TFCP2L1: variants seen among roughly 807,000 people sequenced by gnomAD.
TFCP2L1 encodes the protein transcription factor CP2-like protein 1.
Under a neutral mutation model 72.2 loss-of-function variants are expected in TFCP2L1, and 12 were observed. That is an observed-to-expected ratio of 0.17 (90% CI 0.11 to 0.27). The LOEUF is 0.27. TFCP2L1 is among the 10% of genes least tolerant of loss of function. The pLI is 1.00. For missense variants in TFCP2L1, 488 were observed against 624.6 expected (o/e 0.78, Z 2.33); for synonymous variants, 260 against 251.0 (o/e 1.04, Z -0.34).
chr2:121,281,813 T>C (rs1687268822), intron 1 of TFCP2L1, among the ~76,000 whole-genome samples: 2 of 151,944 alleles, frequency 1.3e-5, no homozygotes, highest in South Asian at 4.1e-4. Context: ...GAGACATTCC[T>C]CCATCCCTTC....
intron 1 of TFCP2L1, among the ~76,000 whole-genome samples, chr2:121,283,008 G>T (rs1465132422): frequency 6.6e-6 from 1 of 152,140 alleles, no homozygotes; most frequent in Non-Finnish European, 1.5e-5. Context: ...TCAGAGCAGG[G>T]CACACTCCCA....
At position 121,231,888 on chromosome 2, in the gene TFCP2L1, G is replaced by C; in HGVS notation, c.1279C>G (p.Gln427Glu). ...KIANLYSISP[Q>E]HIHRVYRQGP... is the part of the protein sequence containing the mutation. ...TGCCGGTAGACTCGGTGGATGTGCTGGGGGGAGATGCTGTACAGGTTGGCG... is the reference window on the plus strand; with the variant it reads ...TGCCGGTAGACTCGGTGGATGTGCTCGGGGGAGATGCTGTACAGGTTGGCG... Residue 427 changes from glutamine (Q) to glutamate (E), a missense_variant, in exon 13 of 15, where the codon CAG becomes GAG. By Grantham distance (29) the Gln-to-Glu change is conservative. Transcript: ENST00000263707. The C allele has an allele frequency of 6.2e-7, 1 of 1,613,230 alleles. No homozygotes were observed. Among genetic ancestry groups the C allele is most frequent in the Non-Finnish European group, 8.5e-7 (1 of 1,179,562 alleles).
rs1011367841 is a variant in TFCP2L1, at chr2:121,220,527, A to G, written c.*3814T>C. The G allele has an allele frequency of 2.6e-5, 4 of 152,248 alleles. No individual in the cohort carries two copies. The highest frequency in any genetic ancestry group is 4.8e-5 in the African/African-American group (2 of 41,460). The allele number at this position is 152,248 out of a possible 1,614,324, so 9.4% of individuals were successfully genotyped here. A position where few individuals can be genotyped will look rare whatever the true frequency, so the allele number is the denominator to read the frequency against. ...CTCAGCTTTGGGCTTCCAGTTCAAG[A>G]TGGTGGCCTGAGCACATGTGTCTGT... On this transcript the variant is annotated 3_prime_UTR_variant, in exon 15 of 15. Transcript: ENST00000263707.
At chr2:121,264,826 C>T (rs944571821) in intron 2 of TFCP2L1, among the ~76,000 whole-genome samples, 4 of 152,170 alleles carry the variant, frequency 2.6e-5, no homozygotes, top group Admixed American at 6.5e-5. Context: ...AGACACTAAA[C>T]AATAAATAAC....
At chr2:121,283,425 C>G (rs1687304033) in intron 1 of TFCP2L1, among the ~76,000 whole-genome samples, 1 of 152,210 alleles carries the variant, frequency 6.6e-6, no homozygotes, top group Non-Finnish European at 1.5e-5. Flanking sequence ...AAACTCCCAG[C>G]TTCCAAGAAG....
Position 121,249,505 on chromosome 2 carries a change from C to T in TFCP2L1, c.291+66G>A, listed in dbSNP as rs371330278. On this transcript the variant is annotated intron_variant, in intron 3 of 14. Transcript: ENST00000263707. ...GCTACCCGTGCCCAACCCCAGCAAG[C>T]CCAGGTGCCCAGACCCTAATCAAGC... The T allele has an allele frequency of 1.3e-4, 197 of 1,526,578 alleles. No homozygotes were observed. The East Asian group carries it at 4.3e-3, about 33-fold the overall frequency. The allele number at this position is 1,526,578 out of a possible 1,614,324, so 94.6% of individuals were successfully genotyped here. A position where few individuals can be genotyped will look rare whatever the true frequency, so the allele number is the denominator to read the frequency against.
At chr2:121,228,518 G>A (rs1047804551) in intron 13 of TFCP2L1, among the ~76,000 whole-genome samples, 12 of 150,954 alleles carry the variant, frequency 7.9e-5, no homozygotes, top group Non-Finnish European at 1.5e-4. Context: ...CCAGCACCTT[G>A]AGAGGCCAAG....
chr2:121,281,934 T>TTC (rs1553436595), intron 1 of TFCP2L1, among the ~76,000 whole-genome samples: 5 of 50,048 alleles, frequency 1.0e-4, no homozygotes, highest in Admixed American at 9.0e-4. Context: ...TTGTTTTTTT[T>TTC]GGGCGGGGGC....
At chr2:121,282,385 G>C (rs1687282270) in intron 1 of TFCP2L1, among the ~76,000 whole-genome samples, 1 of 150,222 alleles carries the variant, frequency 6.7e-6, no homozygotes. Flanking sequence ...ACTTGTTTCT[G>C]GACGTATTTT....
chr2:121,275,345 G>A (rs1290281188), intron 2 of TFCP2L1, among the ~76,000 whole-genome samples: 1 of 136,662 alleles, frequency 7.3e-6, no homozygotes, highest in Non-Finnish European at 1.5e-5. Context: ...CTGGCAGTGA[G>A]CCGAGATCGC....
At chr2:121,248,088 T>A (rs1558735528) in intron 5 of TFCP2L1, 76 bp downstream of exon 5, 15 of 1,267,272 alleles carry the variant, frequency 1.2e-5, no homozygotes, top group Admixed American at 6.0e-5. Flanking sequence ...CCCAGATGGG[T>A]TAGTTTTGAG....
At position 121,281,954 on chromosome 2, in the gene TFCP2L1, G is replaced by A. The variant is rs970607909; in HGVS notation, c.63-683C>T. Among the ~76,000 whole-genome samples, 17 of 150,556 alleles carry A rather than the reference G, an allele frequency of 1.1e-4. No individual in the cohort carries two copies. In the South Asian group the frequency reaches 1.9e-3, roughly 17 times the overall value. On this transcript the variant is annotated intron_variant, in intron 1 of 14. Coordinates refer to ENST00000263707, the MANE Select transcript of TFCP2L1 (RefSeq NM_014553.3). The stretch of plus-strand genomic sequence containing the variant: ...TTTTTTGGGCGGGGGCGGGGGGGAC[G>A]GAGTTTCACTCTTGTTGTCCAGGCT...
rs191384077 is a variant in TFCP2L1, at chr2:121,264,858, G to A, written c.215-15211C>T. On this transcript the variant is annotated intron_variant, in intron 2 of 14. Coordinates refer to ENST00000263707, the MANE Select transcript of TFCP2L1 (RefSeq NM_014553.3). Reference sequence around the variant, plus strand: ...TAACAACAAATAACAAGTGCTGGCCGGGGAGAAGCTGGATCCCTCCTGTAT... The same window carrying A: ...TAACAACAAATAACAAGTGCTGGCCAGGGAGAAGCTGGATCCCTCCTGTAT... Among the ~76,000 whole-genome samples, 608 of 152,260 alleles carry A rather than the reference G, an allele frequency of 4.0e-3. 4 individuals are homozygous for A. Among genetic ancestry groups the A allele is most frequent in the Non-Finnish European group, 5.3e-3 (361 of 68,034 alleles).
chr2:121,274,438 T>C (rs915732263), intron 2 of TFCP2L1, among the ~76,000 whole-genome samples: 8 of 152,192 alleles, frequency 5.3e-5, no homozygotes, highest in Admixed American at 2.0e-4. Context: ...AGCTTTGTTT[T>C]ATAAACAAAA....
chr2:121,281,465 G>C (rs764359578), intron 1 of TFCP2L1, among the ~76,000 whole-genome samples, 194 bp from the exon 2 acceptor site: 1 of 152,040 alleles, frequency 6.6e-6, no homozygotes, highest in Non-Finnish European at 1.5e-5. Context: ...CCGCTCCTTC[G>C]TGACTCTAGT....
intron 2 of TFCP2L1, among the ~76,000 whole-genome samples, chr2:121,269,561 G>A (rs866616520): frequency 6.6e-6 from 1 of 152,050 alleles, no homozygotes; most frequent in Admixed American, 6.5e-5. Context: ...AACAGTTGTC[G>A]ACCACGCTGG....
chr2:121,279,654 T>C (rs1239360052), intron 2 of TFCP2L1, among the ~76,000 whole-genome samples: 1 of 152,228 alleles, frequency 6.6e-6, no homozygotes, highest in African/African-American at 2.4e-5. Context: ...GATGACCAAG[T>C]TGGACTTCCA....
intron 2 of TFCP2L1, among the ~76,000 whole-genome samples, chr2:121,255,646 C>T (rs1686700008): frequency 6.6e-6 from 1 of 152,342 alleles, no homozygotes; most frequent in East Asian, 1.9e-4. Context: ...GCCACCCCTC[C>T]ACACCTGCTG....
In TFCP2L1 at chr2:121,237,816, G is replaced by A. The variant is rs1422333908; in HGVS notation, c.895C>T (p.Pro299Ser). 1.2e-6 allele frequency: 2 copies of A among 1,614,126 alleles called. No homozygotes were observed. The highest frequency in any genetic ancestry group is 2.2e-5 in the East Asian group (1 of 44,870). Reference protein sequence around the residue: ...ASPTHPVEALPVGSDHLLPSA... With the variant: ...ASPTHPVEALSVGSDHLLPSA... ...CAGACACTTACGTCACTGCCCACGG[G>A]CAGGGCCTCCACCGGGTGGGTCGGA... The change falls in exon 9 of 15, where the codon CCC (proline) becomes TCC (serine). Residue 299 changes from proline (P) to serine (S), a missense_variant. Physicochemically the swap from Pro to Ser is moderately conservative, Grantham distance 74. Coordinates refer to ENST00000263707, the MANE Select transcript of TFCP2L1 (RefSeq NM_014553.3).
Sources: allele counts gnomAD v4.1 joint callset (sites outside exome capture counted in the v4.1 genomes callset), GRCh38; gene constraint gnomAD v4.1.1; transcripts MANE v1.5; gene names NCBI Gene and HGNC (gene_info 2026-07-23, HGNC 2026-07-21).